ROBO2: variants seen among roughly 807,000 people sequenced by gnomAD.
ROBO2 encodes the protein roundabout homolog 2.
In ROBO2, 53 loss-of-function variants were observed where a neutral mutation model predicts 160.8. That is an observed-to-expected ratio of 0.33 (90% CI 0.26 to 0.41). The LOEUF (loss-of-function observed/expected upper bound fraction) is 0.41. Among genes scored for constraint, ROBO2 ranks in the 10% least tolerant of loss-of-function variants. The pLI is 1.00. For synonymous variants in ROBO2, 664 were observed against 611.7 expected, an observed-to-expected ratio of 1.09 and a Z score of -1.26; for missense variants, 1,577 against 1,722.4, an observed-to-expected ratio of 0.92 and a Z score of 1.49.
chr3:76,966,576 T>G (rs1411610930), intron 2 of ROBO2, among the ~76,000 whole-genome samples: 1 of 152,140 alleles, frequency 6.6e-6, no homozygotes, highest in African/African-American at 2.4e-5. Flanking sequence ...TATAACTTAA[T>G]GGGATGATAA....
chr3:77,605,059 G>C (rs962232657), intron 20 of ROBO2, among the ~76,000 whole-genome samples: 4 of 151,406 alleles, frequency 2.6e-5, no homozygotes, highest in Non-Finnish European at 5.9e-5. Flanking sequence ...CCAGCTACTT[G>C]AGAGTCTGGG....
intron 4 of ROBO2, among the ~76,000 whole-genome samples, chr3:77,488,916 C>A (rs2085719411): frequency 6.6e-6 from 1 of 152,138 alleles, no homozygotes; most frequent in African/African-American, 2.4e-5. Flanking sequence ...CAAAAAATTT[C>A]TTCCATTTAA....
intron 2 of ROBO2, among the ~76,000 whole-genome samples, chr3:77,106,488 T>A (rs2072822410): frequency 1.3e-5 from 2 of 152,226 alleles, no homozygotes; most frequent in African/African-American, 2.4e-5. Context: ...GATTTGTGTT[T>A]CGGCAGAATA....
At chr3:76,435,335 C>T (rs1322971545) in intron 2 of ROBO2, 92 of 827,816 alleles carry the variant, frequency 1.1e-4, no homozygotes, top group East Asian at 4.6e-4. Context: ...CTACAGAAGG[C>T]GGTGACTTTA....
chr3:76,734,587 G>A (rs2093681540), intron 2 of ROBO2, among the ~76,000 whole-genome samples: 2 of 152,066 alleles, frequency 1.3e-5, no homozygotes, highest in Non-Finnish European at 2.9e-5. Context: ...CTCTTAACCT[G>A]AGCCAGGGTT....
intron 2 of ROBO2, among the ~76,000 whole-genome samples, chr3:76,428,123 A>C (rs919414401): frequency 6.6e-6 from 1 of 152,090 alleles, no homozygotes. Context: ...TTTCTGCTTC[A>C]GTAGTCTGTC....
At position 76,802,035 on chromosome 3, in the gene ROBO2, A is replaced by C. The variant is rs189489903; in HGVS notation, c.110-295979A>C. On this transcript the variant is annotated intron_variant, in intron 2 of 26. Transcript: ENST00000487694. ...TTACTATCTTATGTGAGCAGGGTCC[A>C]TGGCACCCAAAAACAATTACAACAG... 1.8e-4 allele frequency among the ~76,000 whole-genome samples: 28 copies of C among 152,324 alleles called. No homozygotes were observed. In the East Asian group the frequency reaches 5.4e-3, roughly 29 times the overall value.
chr3:75,931,520 T>A (rs7628254), intron 1 of ROBO2, among the ~76,000 whole-genome samples: 3 of 151,882 alleles, frequency 2.0e-5, no homozygotes, highest in Admixed American at 6.6e-5. Flanking sequence ...CCTGGCTAAC[T>A]GTTTTATTTT....
At chr3:76,626,412 A>G (rs1456064003) in intron 2 of ROBO2, among the ~76,000 whole-genome samples, 3 of 152,146 alleles carry the variant, frequency 2.0e-5, no homozygotes, top group Non-Finnish European at 4.4e-5. Context: ...CAAAACAGAG[A>G]TGAGTTTAGG....
intron 2 of ROBO2, among the ~76,000 whole-genome samples, chr3:76,660,405 T>G (rs528596470): frequency 6.6e-6 from 1 of 152,156 alleles, no homozygotes; most frequent in African/African-American, 2.4e-5. Flanking sequence ...AAGTGAACAC[T>G]TGGATTTCTC....
chr3:76,916,566 G>A (rs1194868201), intron 2 of ROBO2, among the ~76,000 whole-genome samples: 5 of 123,190 alleles, frequency 4.1e-5, no homozygotes, highest in South Asian at 2.6e-4. Context: ...GGAAATCTTC[G>A]GAGCTGAAGC....
intron 2 of ROBO2, among the ~76,000 whole-genome samples, chr3:76,838,133 C>G (rs2067881582): frequency 6.6e-6 from 1 of 152,006 alleles, no homozygotes; most frequent in African/African-American, 2.4e-5. Context: ...TAACAAGGAA[C>G]AGAAAACCGA....
At chr3:76,441,994 G>A (rs2076944631) in intron 2 of ROBO2, among the ~76,000 whole-genome samples, 1 of 152,146 alleles carries the variant, frequency 6.6e-6, no homozygotes, top group Non-Finnish European at 1.5e-5. Context: ...CAGGACATAG[G>A]GCAGATGGCA....
At chr3:77,204,096 T>A (rs566589405) in intron 2 of ROBO2, among the ~76,000 whole-genome samples, 2 of 152,254 alleles carry the variant, frequency 1.3e-5, no homozygotes, top group East Asian at 3.9e-4. Flanking sequence ...TGACTCACCA[T>A]CTTGGTTATG....
chr3:77,008,831 A>G (rs1359965644), intron 2 of ROBO2, among the ~76,000 whole-genome samples: 5 of 152,214 alleles, frequency 3.3e-5, no homozygotes, highest in Non-Finnish European at 5.9e-5. Context: ...AGAACACTTC[A>G]TGAAAGCAGA....
chr3:77,551,381 G>C (rs1352499244), intron 8 of ROBO2, among the ~76,000 whole-genome samples: 1 of 151,970 alleles, frequency 6.6e-6, no homozygotes, highest in Non-Finnish European at 1.5e-5. Flanking sequence ...TATTATCAGA[G>C]ATGAGATTTT....
chr3:77,648,886 T>G (rs1271993017), exon 26 of ROBO2: 1 of 152,094 alleles, frequency 6.6e-6, no homozygotes, highest in Non-Finnish European at 1.5e-5. Flanking sequence ...CAAGAGGAAA[T>G]CTGGGTGGGA....
At chr3:77,050,669 TTG>T (rs2065138465) in intron 1 of ROBO2, among the ~76,000 whole-genome samples, 2 of 151,480 alleles carry the variant, frequency 1.3e-5, no homozygotes, top group African/African-American at 4.9e-5. Context: ...TTTTTTTTTT[TTG>T]CATTGTAATT....
At chr3:77,545,993 T>G (rs1482084657) in intron 6 of ROBO2, among the ~76,000 whole-genome samples, 1 of 152,122 alleles carries the variant, frequency 6.6e-6, no homozygotes, top group African/African-American at 2.4e-5. Flanking sequence ...GATTCTTTTC[T>G]TATCTTTATT....
Sources: allele counts gnomAD v4.1 joint callset (sites outside exome capture counted in the v4.1 genomes callset), GRCh38; gene constraint gnomAD v4.1.1; transcripts MANE v1.5; gene names NCBI Gene and HGNC (gene_info 2026-07-23, HGNC 2026-07-21).